Variants in GPATCH2L observed in about 807,000 individuals in gnomAD.
The protein encoded by GPATCH2L is G patch domain-containing protein 2-like.
GPATCH2L carries 31 observed loss-of-function variants against 57.4 expected under a neutral mutation model. That is an observed-to-expected ratio of 0.54 (90% CI 0.41 to 0.73). GPATCH2L has a LOEUF of 0.73. GPATCH2L is among the 30% of genes least tolerant of loss of function. The pLI, the probability that GPATCH2L is intolerant of heterozygous loss-of-function variation, is 0.00. For missense variants in GPATCH2L, 481 were observed against 599.9 expected (o/e 0.80, Z 2.07); for synonymous variants, 199 against 210.7 (o/e 0.94, Z 0.48).
At chr14:76,162,860 T>C (rs2038660183) in intron 2 of GPATCH2L, among the ~76,000 whole-genome samples, 1 of 152,144 alleles carries the variant, frequency 6.6e-6, no homozygotes, top group South Asian at 2.1e-4. Context: ...TTAGTTTTCT[T>C]AGGGTTCAGC....
chr14:76,177,752 C>T lies in GPATCH2L; in HGVS notation c.1053-236C>T, dbSNP rs577358739. The T allele has an allele frequency of 1.5e-4, 78 of 509,938 alleles. 2 individuals are homozygous for T. The South Asian group carries it at 1.9e-3, about 12-fold the overall frequency. 31.6% of individuals were successfully genotyped at this position (509,938 alleles called of 1,614,324 possible). The stretch of plus-strand genomic sequence containing the variant: ...TTCACATACATTTAATCTCTTTCTC[C>T]TCCTCTGATTACATCTTTTCTCTAT... On this transcript the variant is annotated intron_variant, in intron 6 of 9. Transcript: ENST00000261530.
In GPATCH2L at chr14:76,202,523, G is replaced by C. The variant is rs2040326872; in HGVS notation, c.*672G>C. On this transcript the variant is annotated 3_prime_UTR_variant, in exon 10 of 10. Coordinates refer to ENST00000261530, the MANE Select transcript of GPATCH2L (RefSeq NM_017926.4). ...CTTCAGAGTTTATGTTCTACTGAAA[G>C]AGGACGTGTGTATACACACACACAC... is the stretch of plus-strand genomic sequence containing the variant. 1 of 120,560 alleles carries C rather than the reference G, an allele frequency of 8.3e-6. No homozygotes were observed. The allele number at this position is 120,560 out of a possible 1,614,324, so 7.5% of individuals were successfully genotyped here. A position where few individuals can be genotyped will look rare whatever the true frequency, so the allele number is the denominator to read the frequency against.
chr14:76,189,396 A>G (rs1402325099), intron 8 of GPATCH2L, among the ~76,000 whole-genome samples: 2 of 151,616 alleles, frequency 1.3e-5, no homozygotes, highest in African/African-American at 2.4e-5. Flanking sequence ...CATGTTTTAT[A>G]TTTTTCATTA....
chr14:76,218,589 C>T (rs2040499129), downstream of GPATCH2L, among the ~76,000 whole-genome samples: 1 of 151,934 alleles, frequency 6.6e-6, no homozygotes, highest in African/African-American at 2.4e-5. Context: ...GATATCACTT[C>T]TCTCGATTTA....
At position 76,203,916 on chromosome 14, in the gene GPATCH2L, A is replaced by G. The variant is rs1307813740; in HGVS notation, c.*2065A>G. On this transcript the variant is annotated 3_prime_UTR_variant, in exon 10 of 10. Coordinates refer to ENST00000261530, the MANE Select transcript of GPATCH2L (RefSeq NM_017926.4). ...GTGATTGGTCCCATGATCATGGCCT[A>G]TTAGTGAAAACCTCCAAAGGTCAGG... 1.3e-5 allele frequency: 2 copies of G among 152,232 alleles called. No homozygotes were observed. Among genetic ancestry groups the G allele is most frequent in the Non-Finnish European group, 2.9e-5 (2 of 68,042 alleles). 9.4% of individuals were successfully genotyped at this position (152,232 alleles called of 1,614,324 possible).
At position 76,195,907 on chromosome 14, in the gene GPATCH2L, GT is replaced by G. The variant is rs1453436068; in HGVS notation, c.1225del (p.Ser409HisfsTer46). ...RQANVHWGPP[C>X]SRDIKRKRKP... is the part of the protein sequence containing the mutation. ...GCAAATGTACACTGGGGACCACCAT[GT>G]TCACGTGACATCAAGAGGAAGCGGA... On this transcript the variant is annotated frameshift_variant, in exon 9 of 10. Transcript: ENST00000261530. LOFTEE classifies it high-confidence loss of function. The G allele has an allele frequency of 6.2e-7, 1 of 1,613,808 alleles. No individual in the cohort carries two copies. Among genetic ancestry groups the G allele is most frequent in the South Asian group, 1.1e-5 (1 of 91,078 alleles).
intron 7 of GPATCH2L, among the ~76,000 whole-genome samples, 170 bp from the exon 8 acceptor site, chr14:76,180,594 A>G (rs1233231927): frequency 1.3e-5 from 2 of 152,174 alleles, no homozygotes; most frequent in Non-Finnish European, 2.9e-5. Flanking sequence ...CAGGTTTGGT[A>G]CATTCATAGG....
intron 1 of GPATCH2L, among the ~76,000 whole-genome samples, chr14:76,221,284 T>C (rs2040513998): frequency 6.6e-6 from 1 of 151,780 alleles, no homozygotes; most frequent in African/African-American, 2.4e-5. Context: ...CAGAATAAAA[T>C]AATAATGAGA....
At chr14:76,177,482 G>A (rs74067631) in intron 6 of GPATCH2L, among the ~76,000 whole-genome samples, 212 of 151,752 alleles carry the variant, frequency 1.4e-3, no homozygotes, top group African/African-American at 5.0e-3. Context: ...TATCTTGTAT[G>A]CATCATGGTC....
At chr14:76,226,356 A>G (rs938524680) in intron 1 of GPATCH2L, among the ~76,000 whole-genome samples, 3 of 152,234 alleles carry the variant, frequency 2.0e-5, no homozygotes, top group Non-Finnish European at 4.4e-5. Context: ...AGATGAGAAT[A>G]CATTGTATGA....
chr14:76,235,159 ACT>A (rs2139889813), intron 2 of GPATCH2L, among the ~76,000 whole-genome samples: 1 of 145,022 alleles, frequency 6.9e-6, no homozygotes, highest in Admixed American at 7.0e-5. Context: ...CAAGAGCGAA[ACT>A]CTGTCTCAAA....
At chr14:76,163,872 G>A (rs1237264932) in intron 2 of GPATCH2L, among the ~76,000 whole-genome samples, 1 of 152,208 alleles carries the variant, frequency 6.6e-6, no homozygotes, top group Non-Finnish European at 1.5e-5. Context: ...TGTCTGATAT[G>A]TGCCAGGTGC....
At chr14:76,153,493 G>A (rs994284410) in intron 1 of GPATCH2L, among the ~76,000 whole-genome samples, 1 of 152,210 alleles carries the variant, frequency 6.6e-6, no homozygotes, top group Admixed American at 6.5e-5. Context: ...AGAAATCTTA[G>A]AAACTTCACC....
chr14:76,210,699 C>T lies in GPATCH2L; in HGVS notation c.*8848C>T, dbSNP rs1427512919. 1 of 152,192 alleles carries T rather than the reference C, an allele frequency of 6.6e-6. No homozygotes were observed. Among genetic ancestry groups the T allele is most frequent in the Non-Finnish European group, 1.5e-5 (1 of 68,034 alleles). The allele number at this position is 152,192 out of a possible 1,614,324, so 9.4% of individuals were successfully genotyped here. Reference sequence around the variant, plus strand: ...GTATTATCCTTTCTGTACCAAGGCACAACTGATTCCTAAGTGAGGGGGATA... The same window carrying T: ...GTATTATCCTTTCTGTACCAAGGCATAACTGATTCCTAAGTGAGGGGGATA... On this transcript the variant is annotated 3_prime_UTR_variant, in exon 10 of 10. Transcript: ENST00000261530.
In GPATCH2L at chr14:76,154,943, C is replaced by T. The variant is rs184669989; in HGVS notation, c.580C>T (p.Leu194=). The T allele has an allele frequency of 7.4e-6, 12 of 1,614,120 alleles. No homozygotes were observed. In the African/African-American group the frequency reaches 1.5e-4, roughly 20 times the overall value. The part of the protein sequence containing the change: ...LCESAENRTF[L]SKTGRKERME... ...TGAATCAGCAGAAAATAGGACTTTC[C>T]TAAGCAAAACAGGAAGGAAAGAAAG... The change falls in exon 2 of 10, where the codon CTA becomes TTA. Residue 194 remains leucine, a synonymous_variant. Transcript: ENST00000261530. This position sits in a 1 kb window ranked among gnomAD's most constrained non-coding sequence, Gnocchi z 4.4.
chr14:76,195,827 A>T, intron 8 of GPATCH2L, 51 bp from the exon 9 acceptor site: 1 of 1,341,002 alleles, frequency 7.5e-7, no homozygotes, highest in Non-Finnish European at 1.1e-6. Context: ...GTAATGTCTT[A>T]CAATAAGAAT....
In GPATCH2L at chr14:76,207,210, GGAGGCA is replaced by G. The variant is rs2040389028; in HGVS notation, c.*5367_*5372del. 6.6e-6 allele frequency: 1 copy of G among 152,260 alleles called. No homozygotes were observed. 9.4% of individuals were successfully genotyped at this position (152,260 alleles called of 1,614,324 possible). On this transcript the variant is annotated 3_prime_UTR_variant, in exon 10 of 10. Coordinates refer to ENST00000261530, the MANE Select transcript of GPATCH2L (RefSeq NM_017926.4). ...GCATGCCTGTGGTCCCAGCTACTTG[GGAGGCA>G]GAGGCAGGAGGATCACTCAAGCCCA...
At chr14:76,235,328 T>C (rs2040594004) in intron 2 of GPATCH2L, among the ~76,000 whole-genome samples, 1 of 152,198 alleles carries the variant, frequency 6.6e-6, no homozygotes, top group South Asian at 2.1e-4. Context: ...GTGGAGATAA[T>C]TGAATCATGG....
chr14:76,172,549 G>C (rs988395667), intron 4 of GPATCH2L, among the ~76,000 whole-genome samples: 1 of 152,194 alleles, frequency 6.6e-6, no homozygotes, highest in Non-Finnish European at 1.5e-5. Context: ...TGGGTGGAAA[G>C]AACCTAGGAC....
Sources: allele counts gnomAD v4.1 joint callset (sites outside exome capture counted in the v4.1 genomes callset), GRCh38; gene constraint gnomAD v4.1.1; non-coding constraint Gnocchi (gnomAD v3.1); transcripts MANE v1.5; gene names NCBI Gene and HGNC (gene_info 2026-07-23, HGNC 2026-07-21).